The following CCDC192 variants were observed in gnomAD, a reference collection of about 807,000 sequenced individuals.
CCDC192 encodes coiled-coil domain-containing protein 192.
At chr5:127,863,675 C>T (rs754895089) in intron 5 of CCDC192, among the ~76,000 whole-genome samples, 77 of 151,978 alleles carry the variant, frequency 5.1e-4, no homozygotes, top group Non-Finnish European at 5.3e-4. Flanking sequence ...CACTTAGAAA[C>T]GGTTAAAATT....
chr5:127,911,934 T>G (rs1441217806), intron 6 of CCDC192, among the ~76,000 whole-genome samples: 1 of 151,912 alleles, frequency 6.6e-6, no homozygotes, highest in African/African-American at 2.4e-5. Flanking sequence ...ACCAAATTTT[T>G]TTTTTCGGAT....
chr5:127,724,897 G>C (rs1165633241), intron 2 of CCDC192, among the ~76,000 whole-genome samples: 3 of 149,398 alleles, frequency 2.0e-5, no homozygotes, highest in Non-Finnish European at 4.4e-5. Flanking sequence ...AAATATTCAA[G>C]TACTTACCCC....
At chr5:127,795,801 C>T (rs1451234937) in intron 3 of CCDC192, among the ~76,000 whole-genome samples, 2 of 152,000 alleles carry the variant, frequency 1.3e-5, no homozygotes, top group Non-Finnish European at 2.9e-5. Flanking sequence ...ACACTAGACT[C>T]CTTGGCTTTA....
intron 5 of CCDC192, among the ~76,000 whole-genome samples, chr5:127,834,697 G>A (rs149065983): frequency 1.4e-3 from 209 of 152,200 alleles, no homozygotes; most frequent in Non-Finnish European, 2.3e-3. Context: ...CTAATCTCCC[G>A]GGCGCAGTCA....
chr5:127,875,485 C>A (rs999804824), intron 5 of CCDC192, 53 bp from the exon 6 acceptor site: 14 of 395,632 alleles, frequency 3.5e-5, no homozygotes, highest in African/African-American at 2.9e-4. Flanking sequence ...CCTTTTATTT[C>A]TTTGATGCGT....
chr5:127,755,933 C>A (rs1298053058), intron 3 of CCDC192, among the ~76,000 whole-genome samples: 1 of 151,872 alleles, frequency 6.6e-6, no homozygotes, highest in African/African-American at 2.4e-5. Flanking sequence ...GAGATCGAGA[C>A]CATCCTGGCT....
chr5:127,716,022 C>T (rs1360300443), intron 2 of CCDC192, among the ~76,000 whole-genome samples: 1 of 152,224 alleles, frequency 6.6e-6, no homozygotes, highest in Non-Finnish European at 1.5e-5. Context: ...TTAGATATGG[C>T]TTTGTCATAT....
In CCDC192 at chr5:127,804,208, G is replaced by A. The variant is rs1459225069; in HGVS notation, c.411+6046G>A. ...CTTACCATAACAGAGGACATGGCCT[G>A]TTTCCTTGGGTTTGGTTCTGTTTTG... On this transcript the variant is annotated intron_variant, in intron 5 of 6. Transcript: ENST00000514853. Among the ~76,000 whole-genome samples the A allele has an allele frequency of 5.3e-5, 8 of 152,196 alleles. No individual in the cohort carries two copies. The East Asian group carries it at 5.8e-4, about 11-fold the overall frequency.
At chr5:127,915,035 C>T (rs1351401112) in intron 6 of CCDC192, among the ~76,000 whole-genome samples, 2 of 152,118 alleles carry the variant, frequency 1.3e-5, no homozygotes, top group African/African-American at 4.8e-5. Flanking sequence ...ATATATTTTA[C>T]ATTTTCAGTT....
At chr5:127,745,065 C>T (rs552646823) in intron 2 of CCDC192, among the ~76,000 whole-genome samples, 7 of 152,334 alleles carry the variant, frequency 4.6e-5, no homozygotes, top group African/African-American at 1.7e-4. Flanking sequence ...GTACAGCCAC[C>T]TTCCTTGACT....
intron 5 of CCDC192, among the ~76,000 whole-genome samples, chr5:127,800,522 A>G (rs1345160619): frequency 6.6e-6 from 1 of 152,056 alleles, no homozygotes; most frequent in African/African-American, 2.4e-5. Context: ...TTTTTCCAAA[A>G]GAGTTTGATT....
At chr5:127,775,729 G>T (rs758177486) in intron 3 of CCDC192, among the ~76,000 whole-genome samples, 27 of 152,180 alleles carry the variant, frequency 1.8e-4, no homozygotes, top group Non-Finnish European at 3.5e-4. Context: ...ATTCCCACAT[G>T]TTGTGGGAGG....
At position 127,768,265 on chromosome 5, in the gene CCDC192, G is replaced by A. The variant is rs193245582; in HGVS notation, c.222+13890G>A. On this transcript the variant is annotated intron_variant, in intron 3 of 6. Coordinates refer to ENST00000514853, the MANE Select transcript of CCDC192 (RefSeq NM_001317938.2). ...AGACTCCATCTCAAAAAATAAAAAAGTAAAAAAAAAATAAGGTCATACTGG... is the reference window on the plus strand; with the variant it reads ...AGACTCCATCTCAAAAAATAAAAAAATAAAAAAAAAATAAGGTCATACTGG... Among the ~76,000 whole-genome samples, 1,065 of 151,216 alleles carry A rather than the reference G, an allele frequency of 7.0e-3. 15 individuals are homozygous for A. The highest frequency in any genetic ancestry group is 0.024 in the African/African-American group (1,006 of 41,216).
intron 5 of CCDC192, among the ~76,000 whole-genome samples, chr5:127,866,627 G>T (rs1751626269): frequency 6.6e-6 from 1 of 151,680 alleles, no homozygotes; most frequent in Admixed American, 6.6e-5. Context: ...AAAGAATAAA[G>T]ATTCTAAAGT....
chr5:127,781,010 G>A (rs969136418), intron 3 of CCDC192, among the ~76,000 whole-genome samples: 13 of 152,138 alleles, frequency 8.5e-5, no homozygotes, highest in African/African-American at 3.1e-4. Flanking sequence ...TTTTGTATAA[G>A]GTAAGAGATG....
At chr5:127,932,747 CA>C (rs1276472036) in intron 6 of CCDC192, among the ~76,000 whole-genome samples, 1 of 152,052 alleles carries the variant, frequency 6.6e-6, no homozygotes, top group Non-Finnish European at 1.5e-5. Context: ...CAGTACTGAA[CA>C]AAACAATAAA....
At chr5:127,939,687 G>GTTT (rs34470118) in intron 6 of CCDC192, among the ~76,000 whole-genome samples, 1 of 144,810 alleles carries the variant, frequency 6.9e-6, no homozygotes, top group African/African-American at 2.5e-5. Flanking sequence ...TTATTTTTAT[G>GTTT]TTTTTTTTTT....
intron 6 of CCDC192, among the ~76,000 whole-genome samples, chr5:127,876,275 G>T (rs911214417): frequency 6.6e-6 from 1 of 151,998 alleles, no homozygotes; most frequent in Non-Finnish European, 1.5e-5. Context: ...CCAAATCTCA[G>T]ACTGTAATTT....
intron 2 of CCDC192, among the ~76,000 whole-genome samples, chr5:127,734,994 T>A (rs1752885985): frequency 7.1e-6 from 1 of 141,260 alleles, no homozygotes; most frequent in South Asian, 2.4e-4. Context: ...AGACATGAAG[T>A]CCTTGCCCAT....
Sources: gnomAD v4.1 joint callset for allele counts (sites outside exome capture counted in the v4.1 genomes callset) on GRCh38, gnomAD v4.1.1 for gene constraint, MANE v1.5 for transcripts, NCBI Gene and HGNC (gene_info 2026-07-23, HGNC 2026-07-21) for gene names.